The following RMDN2 variants were observed in gnomAD, a reference collection of about 807,000 sequenced individuals.
RMDN2 encodes regulator of microtubule dynamics protein 2.
A neutral mutation model predicts 52.8 loss-of-function variants in RMDN2; 61 were observed. The ratio of observed to expected loss-of-function variants is 1.16; its 90% CI spans 0.94 to 1.43. RMDN2 has a LOEUF of 1.43. Among genes scored for constraint, RMDN2 ranks in the 40% most tolerant of loss-of-function variants. The probability of loss-of-function intolerance (pLI) is 0.00; values close to 1 mark genes in which losing one functional copy is unlikely to be tolerated. For synonymous variants in RMDN2, 180 were observed against 153.1 expected (o/e 1.18, Z -1.30); for missense variants, 592 against 475.3 (o/e 1.25, Z -2.28).
At chr2:37,977,014 C>A (rs1051386870) in intron 4 of RMDN2, among the ~76,000 whole-genome samples, 2 of 151,974 alleles carry the variant, frequency 1.3e-5, no homozygotes, top group African/African-American at 4.8e-5. Flanking sequence ...GTGTTTGTGT[C>A]CCTGGGTACT....
At chr2:37,985,020 G>T (rs563187772) in intron 5 of RMDN2, among the ~76,000 whole-genome samples, 1 of 152,190 alleles carries the variant, frequency 6.6e-6, no homozygotes, top group African/African-American at 2.4e-5. Context: ...AAACTTTAAA[G>T]AAGCAGATTC....
intron 2 of RMDN2, among the ~76,000 whole-genome samples, chr2:37,946,900 G>T (rs995592565): frequency 1.3e-5 from 2 of 152,092 alleles, no homozygotes; most frequent in Non-Finnish European, 2.9e-5. Flanking sequence ...TGTTGACCTA[G>T]AATATATACT....
intron 10 of RMDN2, among the ~76,000 whole-genome samples, chr2:38,026,623 T>C (rs1310801973): frequency 6.6e-6 from 1 of 152,172 alleles, no homozygotes; most frequent in Non-Finnish European, 1.5e-5. Flanking sequence ...TTAATTATAC[T>C]TTAAGTTCTG....
chr2:37,986,985 A>G (rs1163370263), intron 5 of RMDN2, among the ~76,000 whole-genome samples: 1 of 152,084 alleles, frequency 6.6e-6, no homozygotes, highest in Non-Finnish European at 1.5e-5. Flanking sequence ...CTAATGCCAT[A>G]TAACAAGAAA....
At chr2:37,969,162 A>C (rs9677941) in intron 2 of RMDN2, among the ~76,000 whole-genome samples, 122,518 of 151,680 alleles carry the variant, frequency 0.81, 49,661 homozygotes, top group Middle Eastern at 0.92. Flanking sequence ...TTTATACTGC[A>C]GTTCTGATAT....
chr2:37,965,702 T>G (rs1310720011), intron 2 of RMDN2, among the ~76,000 whole-genome samples: 1 of 152,224 alleles, frequency 6.6e-6, no homozygotes, highest in South Asian at 2.1e-4. Context: ...TTACCTTTAC[T>G]ACAGAATATT....
At chr2:38,014,421 A>C (rs1299369269) in intron 10 of RMDN2, among the ~76,000 whole-genome samples, 1 of 152,170 alleles carries the variant, frequency 6.6e-6, no homozygotes, top group Non-Finnish European at 1.5e-5. Flanking sequence ...TGTATTGTTT[A>C]AATTGATCTT....
At chr2:37,950,545 G>A (rs1248822376) in intron 2 of RMDN2, 2 of 1,613,096 alleles carry the variant, frequency 1.2e-6, no homozygotes, top group East Asian at 4.5e-5. Context: ...GGCCTAGAAG[G>A]GAAGGGAGAG....
intron 10 of RMDN2, among the ~76,000 whole-genome samples, chr2:38,010,957 G>A (rs1439914430): frequency 1.3e-5 from 2 of 152,166 alleles, no homozygotes; most frequent in East Asian, 3.8e-4. Flanking sequence ...GTCACCAGGA[G>A]GCCCCTACCA....
rs531687145 is a variant in RMDN2 at position 38,026,373 on chromosome 2, A to G, written c.1713+22157A>G. Reference sequence around the variant, plus strand: ...TGTTTTCTATATTTGCTGTTACCCTACAGGTAACATTATAACCAATGGCTG... The same window carrying G: ...TGTTTTCTATATTTGCTGTTACCCTGCAGGTAACATTATAACCAATGGCTG... On this transcript the variant is annotated intron_variant, in intron 10 of 10. Coordinates refer to the RMDN2 transcript ENST00000234195. 1.1e-4 allele frequency among the ~76,000 whole-genome samples: 16 copies of G among 152,186 alleles called. 1 individual carries two copies. In the South Asian group the frequency reaches 2.3e-3, roughly 22 times the overall value.
At chr2:38,052,288 G>A (rs1681652319) in intron 10 of RMDN2, among the ~76,000 whole-genome samples, 1 of 152,114 alleles carries the variant, frequency 6.6e-6, no homozygotes, top group Admixed American at 6.5e-5. Context: ...TGTTGAGAAT[G>A]TTTTCATATA....
intron 2 of RMDN2, chr2:37,950,397 T>C: frequency 6.3e-7 from 1 of 1,575,500 alleles, no homozygotes; most frequent in Non-Finnish European, 8.7e-7. Flanking sequence ...AGTTCTAATA[T>C]AAACTGATGT....
chr2:38,044,699 A>G (rs1348559392), intron 10 of RMDN2, among the ~76,000 whole-genome samples: 1 of 151,980 alleles, frequency 6.6e-6, no homozygotes, highest in African/African-American at 2.4e-5. Flanking sequence ...AAAGAATTCT[A>G]TATTTTTGTT....
intron 2 of RMDN2, among the ~76,000 whole-genome samples, chr2:37,954,005 A>C (rs1435488861): frequency 2.0e-5 from 3 of 152,030 alleles, no homozygotes; most frequent in Non-Finnish European, 2.9e-5. Flanking sequence ...TCTTTGGAGA[A>C]ATGCCAATTC....
chr2:37,930,081 C>T (rs896800410), intron 2 of RMDN2, among the ~76,000 whole-genome samples: 5 of 152,196 alleles, frequency 3.3e-5, no homozygotes, highest in Admixed American at 6.5e-5. Context: ...AAGAACTTTC[C>T]GCAGTGATGG....
intron 8 of RMDN2, among the ~76,000 whole-genome samples, chr2:38,001,868 T>G (rs1451062404): frequency 6.6e-6 from 1 of 152,144 alleles, no homozygotes; most frequent in Non-Finnish European, 1.5e-5. Context: ...AATCCATTGA[T>G]TAAGAGAGAA....
chr2:38,034,516 G>A (rs565882490), intron 10 of RMDN2, among the ~76,000 whole-genome samples: 16 of 152,104 alleles, frequency 1.1e-4, no homozygotes, highest in African/African-American at 3.9e-4. Flanking sequence ...AAGATAAACA[G>A]TATCCCTAAT....
Position 37,958,598 on chromosome 2 carries a change from C to T in RMDN2, c.453-15442C>T, listed in dbSNP as rs117210320. ...ATATCCGCAAACAGAGACAATTTGA[C>T]TTCCTCTCTTTGTATTTGAGTATGC... is the stretch of plus-strand genomic sequence containing the variant. On this transcript the variant is annotated intron_variant, in intron 2 of 10. Transcript: ENST00000354545. Among the ~76,000 whole-genome samples, 156 of 151,068 alleles carry T rather than the reference C, an allele frequency of 1.0e-3. 1 individual carries two copies. In the East Asian group the frequency reaches 0.026, roughly 25 times the overall value.
upstream of RMDN2, chr2:37,923,315 G>C (rs1017776674): frequency 6.6e-6 from 1 of 152,164 alleles, no homozygotes; most frequent in African/African-American, 2.4e-5. Context: ...TCTATGTCCT[G>C]AACCTGAAGA....
Sources: allele counts gnomAD v4.1 joint callset (sites outside exome capture counted in the v4.1 genomes callset), GRCh38; gene constraint gnomAD v4.1.1; transcripts MANE v1.5; gene names NCBI Gene and HGNC (gene_info 2026-07-23, HGNC 2026-07-21).